The following LIAS variants were observed in gnomAD, a reference collection of about 807,000 sequenced individuals.
The protein encoded by LIAS is lipoyl synthase, mitochondrial.
A neutral mutation model predicts 49.4 loss-of-function variants in LIAS; 36 were observed. The ratio of observed to expected loss-of-function variants is 0.73; its 90% CI spans 0.56 to 0.96. The LOEUF is 0.96. Among genes scored for constraint, LIAS ranks in the 40% least tolerant of loss-of-function variants. The probability of loss-of-function intolerance (pLI) is 0.00; values close to 1 mark genes in which losing one functional copy is unlikely to be tolerated. For synonymous variants in LIAS, 145 were observed against 155.8 expected, an observed-to-expected ratio of 0.93 and a Z score of 0.52; for missense variants, 399 against 456.3, an observed-to-expected ratio of 0.87 and a Z score of 1.14.
chr4:39,477,098 AAAAC>A lies in LIAS; in HGVS notation c.1106_1109del (p.Thr369LysfsTer22). 6.3e-7 allele frequency: 1 copy of A among 1,597,888 alleles called. No individual in the cohort carries two copies. The highest frequency in any genetic ancestry group is 8.5e-7 in the Non-Finnish European group (1 of 1,174,368). The stretch of plus-strand genomic sequence containing the variant: ...CCTGAAAAATCTAGTGGCTAAAAGA[AAAAC>A]AAAAGACCTCTAAAACTTCAACAAG... On this transcript the variant is annotated frameshift_variant, in exon 11 of 11. Coordinates refer to ENST00000640888, the MANE Select transcript of LIAS (RefSeq NM_006859.4). LOFTEE classifies it high-confidence loss of function.
At chr4:39,459,334 TATAG>T (rs1456062513) in intron 1 of LIAS, 172 bp downstream of exon 1, 1 of 628,070 alleles carries the variant, frequency 1.6e-6, no homozygotes, top group Non-Finnish European at 2.8e-6. Context: ...AGCCCCATGA[TATAG>T]AGTCTCTGGC....
intron 1 of LIAS, 169 bp downstream of exon 1, chr4:39,459,331 T>C: frequency 3.2e-6 from 2 of 629,518 alleles, no homozygotes; most frequent in South Asian, 2.0e-5. Flanking sequence ...GCCAGCCCCA[T>C]GATATAGAGT....
chr4:39,469,118 T>G (rs1744885662), intron 7 of LIAS: 1 of 152,222 alleles, frequency 6.6e-6, no homozygotes, highest in Non-Finnish European at 1.5e-5. Flanking sequence ...GCAGTGATTT[T>G]ATTAGCTTCT....
intron 10 of LIAS, chr4:39,476,597 C>T (rs1231190610): frequency 6.5e-6 from 1 of 152,986 alleles, no homozygotes; most frequent in African/African-American, 2.4e-5. Context: ...CTCTTGCTTC[C>T]CTAGAGGGGA....
chr4:39,471,420 G>C, intron 9 of LIAS, 114 bp downstream of exon 9: 2 of 729,692 alleles, frequency 2.7e-6, no homozygotes, highest in Non-Finnish European at 4.4e-6. Flanking sequence ...TGTAATCTCT[G>C]CTTCCTGGGT....
chr4:39,461,828 G>A (rs1310069015), intron 2 of LIAS, among the ~76,000 whole-genome samples: 1 of 152,220 alleles, frequency 6.6e-6, no homozygotes, highest in Non-Finnish European at 1.5e-5. Flanking sequence ...CCAAGTAGCT[G>A]GGACTACAGG....
Position 39,471,260 on chromosome 4 carries a change from G to A in LIAS, c.908G>A (p.Cys303Tyr). ...MKALREADVD[C>Y]LTLGQYMQPT... ...GCACTTCGTGAGGCAGATGTAGACT[G>A]CTTGACTTTAGGACAATATATGCAG... The change falls in exon 9 of 11, where the codon TGC becomes TAC. Residue 303 changes from cysteine (C) to tyrosine (Y), a missense_variant. Physicochemically the swap from Cys to Tyr is radical, Grantham distance 194. Coordinates refer to ENST00000640888, the MANE Select transcript of LIAS (RefSeq NM_006859.4). 6.2e-7 allele frequency: 1 copy of A among 1,611,202 alleles called. No homozygotes were observed. The highest frequency in any genetic ancestry group is 1.1e-5 in the South Asian group (1 of 90,940).
At chr4:39,464,628 C>A (rs1397352049) in intron 4 of LIAS, among the ~76,000 whole-genome samples, 1 of 152,116 alleles carries the variant, frequency 6.6e-6, no homozygotes, top group Non-Finnish European at 1.5e-5. Flanking sequence ...TCCCTAAATA[C>A]CTGAGGCTAC....
At chr4:39,475,922 T>C (rs1220950903) in intron 10 of LIAS, 1 of 152,178 alleles carries the variant, frequency 6.6e-6, no homozygotes, top group Non-Finnish European at 1.5e-5. Context: ...TTTAATGAAC[T>C]AGTAGCTCAT....
At chr4:39,460,424 C>G (rs1352350538) in intron 1 of LIAS, among the ~76,000 whole-genome samples, 1 of 151,570 alleles carries the variant, frequency 6.6e-6, no homozygotes, top group African/African-American at 2.4e-5. Flanking sequence ...GTCCCAGCTA[C>G]TCAGGAGGCT....
chr4:39,471,241 C>A lies in LIAS; in HGVS notation c.889C>A (p.Arg297Ser). 4 of 1,608,304 alleles carry A rather than the reference C, an allele frequency of 2.5e-6. No homozygotes were observed. The highest frequency in any genetic ancestry group is 3.4e-6 in the Non-Finnish European group (4 of 1,176,130). ...TTGTGCTTTTCTTCCTACAGCACTT[C>A]GTGAGGCAGATGTAGACTGCTTGAC... ...EQVYATMKALREADVDCLTLG... is the reference protein window; with the variant it reads ...EQVYATMKALSEADVDCLTLG... Residue 297 changes from arginine (R) to serine (S), a missense_variant, in exon 9 of 11, where the codon CGT (arginine) becomes AGT (serine). Transcript: ENST00000640888.
At chr4:39,475,103 A>G (rs1347672288) in intron 10 of LIAS, 1 of 152,478 alleles carries the variant, frequency 6.6e-6, no homozygotes, top group Non-Finnish European at 1.5e-5. Context: ...GCTACTCGGG[A>G]GGCTGAGGCA....
At position 39,463,590 on chromosome 4, in the gene LIAS, C is replaced by T. The variant is rs1190479485; in HGVS notation, c.378C>T (p.Ala126=). The change falls in exon 4 of 11, where the codon GCC becomes GCT. Residue 126 remains alanine (A), a synonymous_variant. Coordinates refer to ENST00000640888, the MANE Select transcript of LIAS (RefSeq NM_006859.4). ...ECWGGGEYAT[A]TATIMLMGDT... Reference sequence around the variant, plus strand: ...GGGGAGGTGGAGAATATGCCACCGCCACAGCCACGATCATGGTAGGGCCAG... The same window carrying T: ...GGGGAGGTGGAGAATATGCCACCGCTACAGCCACGATCATGGTAGGGCCAG... 1 of 1,612,584 alleles carries T rather than the reference C, an allele frequency of 6.2e-7. No homozygotes were observed. The highest frequency in any genetic ancestry group is 8.5e-7 in the Non-Finnish European group (1 of 1,179,182).
intron 8 of LIAS, chr4:39,470,431 C>G: frequency 6.7e-6 from 2 of 300,124 alleles, no homozygotes; most frequent in Non-Finnish European, 6.3e-6. Flanking sequence ...TATTCCCCAT[C>G]CTTTGCATCC....
intron 9 of LIAS, among the ~76,000 whole-genome samples, chr4:39,472,308 AGAG>A (rs977189182): frequency 3.3e-5 from 5 of 152,192 alleles, no homozygotes; most frequent in South Asian, 2.1e-4. Flanking sequence ...ACAAGGGAGA[AGAG>A]GAGGAGTTAG....
intron 10 of LIAS, chr4:39,475,027 T>G (rs1339107024): frequency 1.3e-5 from 2 of 151,958 alleles, no homozygotes; most frequent in Non-Finnish European, 1.5e-5. Context: ...GCCAACATGG[T>G]GAAACCCCAT....
Position 39,471,307 on chromosome 4 carries a change from G to T in LIAS, c.954+1G>T. The T allele has an allele frequency of 6.3e-7, 1 of 1,584,978 alleles. No homozygotes were observed. The highest frequency in any genetic ancestry group is 2.2e-5 in the East Asian group (1 of 44,640). On this transcript the variant is annotated splice_donor_variant, in intron 9 of 10. Coordinates refer to ENST00000640888, the MANE Select transcript of LIAS (RefSeq NM_006859.4). LOFTEE classifies it high-confidence loss of function. ...GCAGCCAACAAGGCGTCACCTTAAG[G>T]TACATGTATCTTGATTTGCTTTTTT...
At chr4:39,474,241 C>CTGTTGTTG (rs1477216690) in intron 10 of LIAS, among the ~76,000 whole-genome samples, 1 of 123,178 alleles carries the variant, frequency 8.1e-6, no homozygotes, top group Non-Finnish European at 1.6e-5. Flanking sequence ...CCAGCCTGGG[C>CTGTTGTTG]AACAGAGCAA....
Position 39,463,444 on chromosome 4 carries a change from A to G in LIAS, c.313-81A>G, listed in dbSNP as rs1744621724. 4 of 1,413,784 alleles carry G rather than the reference A, an allele frequency of 2.8e-6. No individual in the cohort carries two copies. In the Admixed American group the frequency reaches 1.0e-4, roughly 37 times the overall value. 87.6% of individuals were successfully genotyped at this position (1,413,784 alleles called of 1,614,324 possible). A position where few individuals can be genotyped will look rare whatever the true frequency, so the allele number is the denominator to read the frequency against. ...ATATGTTGTAAACAATGAGAAGTTT[A>G]AAATGTCTAATCACAGTCACCAACT... On this transcript the variant is annotated intron_variant, in intron 3 of 10. Coordinates refer to ENST00000640888, the MANE Select transcript of LIAS (RefSeq NM_006859.4).
Sources: allele counts gnomAD v4.1 joint callset (sites outside exome capture counted in the v4.1 genomes callset), GRCh38; gene constraint gnomAD v4.1.1; transcripts MANE v1.5; gene names NCBI Gene and HGNC (gene_info 2026-07-23, HGNC 2026-07-21).